The following RUFY3 variants were observed in gnomAD, a reference collection of about 807,000 sequenced individuals.
RUFY3 encodes RUN and FYVE domain containing 3, also known as protein RUFY3.
RUFY3 carries 34 observed loss-of-function variants against 84.0 expected under a neutral mutation model. That is an observed-to-expected ratio of 0.40 (90% CI 0.31 to 0.54). The LOEUF (loss-of-function observed/expected upper bound fraction) is 0.54, where lower values mean the gene tolerates loss of function less well. Ranked by LOEUF, RUFY3 falls within the 20% of genes least tolerant of loss-of-function variation. RUFY3 has a pLI of 0.39. For missense variants in RUFY3, 507 were observed against 736.8 expected, an observed-to-expected ratio of 0.69 and a Z score of 3.61; for synonymous variants, 242 against 252.9, an observed-to-expected ratio of 0.96 and a Z score of 0.41.
At chr4:70,741,224 G>A (rs1318024238) in intron 1 of RUFY3, among the ~76,000 whole-genome samples, 3 of 151,572 alleles carry the variant, frequency 2.0e-5, no homozygotes, top group Non-Finnish European at 4.4e-5. Flanking sequence ...GAATCTAAAA[G>A]AAATATATCG....
rs546864961 is a variant in RUFY3 at position 70,780,082 on chromosome 4, A to G, written c.894+1644A>G. On this transcript the variant is annotated intron_variant, in intron 8 of 17. Coordinates refer to ENST00000381006, the MANE Select transcript of RUFY3 (RefSeq NM_001037442.4). ...TCGGACAAAAATTTTTAAATTTTAT[A>G]TATCTTAAAACTTTATGCTTAGGGT... 2.0e-4 allele frequency among the ~76,000 whole-genome samples: 31 copies of G among 152,278 alleles called. No homozygotes were observed. In the South Asian group the frequency reaches 6.4e-3, roughly 32 times the overall value.
chr4:70,779,584 C>CTTTTTTTTTTTTTTTTTT (rs779419538), intron 8 of RUFY3, among the ~76,000 whole-genome samples: 1 of 130,500 alleles, frequency 7.7e-6, no homozygotes. Flanking sequence ...ATTTCTTTTT[C>CTTTTTTTTTTTTTTTTTT]TTTTTTTTTT....
At position 70,808,042 on chromosome 4, in the gene RUFY3, C is replaced by T. The variant is rs1270700654; in HGVS notation, c.*1383C>T. On this transcript the variant is annotated 3_prime_UTR_variant, in exon 18 of 18. Transcript: ENST00000381006. ...TGGGTTATATGGTATTTGCATATAA[C>T]CTACATACATCCTCCTGTGTACTTT... is the stretch of plus-strand genomic sequence containing the variant. 6.6e-6 allele frequency among the ~76,000 whole-genome samples: 1 copy of T among 152,082 alleles called. No individual in the cohort carries two copies. Among genetic ancestry groups the T allele is most frequent in the Admixed American group, 6.6e-5 (1 of 15,266 alleles).
intron 1 of RUFY3, among the ~76,000 whole-genome samples, chr4:70,730,724 CAA>C (rs989645186): frequency 6.6e-6 from 1 of 151,884 alleles, no homozygotes; most frequent in Admixed American, 6.6e-5. Flanking sequence ...GCCTGGGCGA[CAA>C]GAGTGAAACT....
At chr4:70,762,405 AC>A (rs1725186248) in intron 1 of RUFY3, 113 bp from the exon 2 acceptor site, 1 of 879,404 alleles carries the variant, frequency 1.1e-6, no homozygotes, top group African/African-American at 1.7e-5. Flanking sequence ...CTTAAAGGAA[AC>A]TGGCATTTTT....
chr4:70,708,889 T>A (rs75674963), intron 1 of RUFY3, among the ~76,000 whole-genome samples: 2,470 of 151,710 alleles, frequency 0.016, 56 homozygotes, highest in African/African-American at 0.052. Flanking sequence ...AAAAAAAAAA[T>A]TTTTTAAATT....
intron 14 of RUFY3, among the ~76,000 whole-genome samples, chr4:70,798,159 G>A (rs1731765157): frequency 6.6e-6 from 1 of 152,050 alleles, no homozygotes; most frequent in East Asian, 1.9e-4. Context: ...CTTGATCCCA[G>A]GAGTAAGAGA....
intron 1 of RUFY3, among the ~76,000 whole-genome samples, chr4:70,706,573 TTAAATC>T (rs1175378203): frequency 6.6e-6 from 1 of 152,216 alleles, no homozygotes; most frequent in Non-Finnish European, 1.5e-5. Context: ...CCCATGCTCT[TTAAATC>T]TAACAAGAGA....
chr4:70,773,449 T>C, intron 5 of RUFY3, 62 bp from the exon 6 acceptor site: 2 of 1,175,578 alleles, frequency 1.7e-6, no homozygotes, highest in South Asian at 1.3e-5. Flanking sequence ...GAAGGAGACA[T>C]TGTGTTATGC....
chr4:70,765,209 G>GTGTATATATATATA (rs144995233), intron 4 of RUFY3, among the ~76,000 whole-genome samples: 4 of 137,216 alleles, frequency 2.9e-5, no homozygotes, highest in Admixed American at 7.4e-5. Context: ...AAAAAAATGT[G>GTGTATATATATATA]TATATATATA....
intron 1 of RUFY3, among the ~76,000 whole-genome samples, chr4:70,715,203 A>G (rs918969274): frequency 2.0e-5 from 3 of 152,216 alleles, no homozygotes; most frequent in Admixed American, 6.5e-5. Flanking sequence ...TGAAATAATC[A>G]TGATCATTGA....
At chr4:70,784,901 A>G (rs879483974) in intron 10 of RUFY3, 22 bp downstream of exon 10, 6 of 1,529,266 alleles carry the variant, frequency 3.9e-6, no homozygotes, top group Non-Finnish European at 5.3e-6. Flanking sequence ...TTAATTTCTA[A>G]TAGTTCAGGA....
intron 1 of RUFY3, among the ~76,000 whole-genome samples, chr4:70,758,570 A>T (rs1724431888): frequency 6.6e-6 from 1 of 152,122 alleles, no homozygotes; most frequent in Non-Finnish European, 1.5e-5. Context: ...TTCTTTTTAA[A>T]ATTTTTGATG....
At chr4:70,730,914 C>T (rs779994494) in intron 1 of RUFY3, among the ~76,000 whole-genome samples, 10 of 152,186 alleles carry the variant, frequency 6.6e-5, no homozygotes, top group Non-Finnish European at 1.3e-4. Context: ...GTCTTCTTCC[C>T]AGTCTCTGAT....
intron 1 of RUFY3, among the ~76,000 whole-genome samples, chr4:70,756,911 A>C (rs924806722): frequency 5.9e-5 from 9 of 152,114 alleles, no homozygotes; most frequent in Admixed American, 5.9e-4. Flanking sequence ...CAATTATCTT[A>C]GTTTTAAGAA....
At chr4:70,787,187 A>AAAAAAAAAAAAAAAATATATAT (rs1553920475) in intron 10 of RUFY3, among the ~76,000 whole-genome samples, 1 of 81,476 alleles carries the variant, frequency 1.2e-5, no homozygotes, top group African/African-American at 5.2e-5. Flanking sequence ...AAAAAAAAAA[A>AAAAAAAAAAAAAAAATATATAT]ATATATATAT....
intron 1 of RUFY3, among the ~76,000 whole-genome samples, chr4:70,728,336 C>T (rs1019200936): frequency 3.3e-5 from 5 of 152,188 alleles, no homozygotes; most frequent in East Asian, 1.9e-4. Context: ...CTGGGAGCTG[C>T]GGCTTGCTGC....
chr4:70,783,835 G>A (rs192142138), intron 9 of RUFY3, among the ~76,000 whole-genome samples: 22 of 152,172 alleles, frequency 1.4e-4, no homozygotes, highest in Non-Finnish European at 2.9e-4. Flanking sequence ...CGATTTCTGT[G>A]GATGGTTTTT....
chr4:70,787,008 A>C (rs190475875), intron 10 of RUFY3, among the ~76,000 whole-genome samples: 2 of 151,324 alleles, frequency 1.3e-5, no homozygotes, highest in Non-Finnish European at 2.9e-5. Context: ...CTATCTCTAC[A>C]AAAATTACAA....
Sources: allele counts gnomAD v4.1 joint callset (sites outside exome capture counted in the v4.1 genomes callset), GRCh38; gene constraint gnomAD v4.1.1; transcripts MANE v1.5; gene names NCBI Gene and HGNC (gene_info 2026-07-23, HGNC 2026-07-21).